The following HAT1 variants were observed in gnomAD, a reference collection of about 807,000 sequenced individuals.
HAT1 encodes histone acetyltransferase 1, also known as histone acetyltransferase type B catalytic subunit.
A neutral mutation model predicts 56.6 loss-of-function variants in HAT1; 20 were observed. The ratio of observed to expected loss-of-function variants is 0.35; its 90% confidence interval spans 0.25 to 0.51. The LOEUF (loss-of-function observed/expected upper bound fraction) is 0.51, where lower values mean the gene tolerates loss of function less well. Among genes scored for constraint, HAT1 ranks in the 20% least tolerant of loss-of-function variants. HAT1 has a pLI of 0.95. For missense variants in HAT1, 408 were observed against 504.3 expected (o/e 0.81, Z 1.83); for synonymous variants, 146 against 165.5 (o/e 0.88, Z 0.91).
At chr2:171,926,902 GAT>G (rs1686613424) in intron 2 of HAT1, among the ~76,000 whole-genome samples, 1 of 152,152 alleles carries the variant, frequency 6.6e-6, no homozygotes, top group African/African-American at 2.4e-5. Flanking sequence ...AAGAAACCCA[GAT>G]ATATATCAGC....
chr2:171,928,392 C>T (rs547998015), intron 2 of HAT1, among the ~76,000 whole-genome samples: 19 of 152,296 alleles, frequency 1.2e-4, no homozygotes, highest in Non-Finnish European at 2.6e-4. Context: ...TGTTCTAGCA[C>T]TTTATATAAA....
chr2:171,974,156 T>G (rs1574066677), intron 8 of HAT1, among the ~76,000 whole-genome samples: 1 of 111,934 alleles, frequency 8.9e-6, no homozygotes, highest in Non-Finnish European at 1.7e-5. Context: ...GCAGCCTGGG[T>G]GAGTGAGACC....
chr2:171,969,664 G>C (rs1433008955), intron 8 of HAT1, among the ~76,000 whole-genome samples: 1 of 152,054 alleles, frequency 6.6e-6, no homozygotes, highest in Admixed American at 6.6e-5. Flanking sequence ...GTGGTGACTT[G>C]GTTCCTTATA....
At chr2:171,967,855 T>C (rs1687719891) in intron 8 of HAT1, among the ~76,000 whole-genome samples, 3 of 152,012 alleles carry the variant, frequency 2.0e-5, no homozygotes, top group Admixed American at 2.0e-4. Context: ...TAAAAAATGC[T>C]ATTTGGGAAT....
chr2:171,922,607 G>A, intron 1 of HAT1, 100 bp downstream of exon 1: 1 of 1,029,070 alleles, frequency 9.7e-7, no homozygotes, highest in Non-Finnish European at 1.3e-6. Flanking sequence ...CTTTCGGGCT[G>A]TAGCCTGGGT....
chr2:171,961,869 A>G (rs1687582797), intron 4 of HAT1, among the ~76,000 whole-genome samples: 1 of 149,730 alleles, frequency 6.7e-6, no homozygotes, highest in Admixed American at 6.7e-5. Flanking sequence ...AACATTAAGT[A>G]GATACAGAAT....
At chr2:171,947,075 G>T in intron 3 of HAT1, among the ~76,000 whole-genome samples, 1 of 151,946 alleles carries the variant, frequency 6.6e-6, no homozygotes. Context: ...CATACAAATG[G>T]CTGGAGTATA....
intron 5 of HAT1, 55 bp downstream of exon 5, chr2:171,965,572 A>G: frequency 8.4e-7 from 1 of 1,194,084 alleles, no homozygotes; most frequent in Non-Finnish European, 1.2e-6. Flanking sequence ...TGAAACCTGT[A>G]TGTAGTTTTG....
At chr2:171,961,259 T>A (rs1313070595) in intron 4 of HAT1, among the ~76,000 whole-genome samples, 3 of 152,062 alleles carry the variant, frequency 2.0e-5, no homozygotes. Flanking sequence ...AAGCTATGGT[T>A]ACACTACTAC....
In HAT1 at chr2:171,965,388, C is replaced by G; in HGVS notation, c.360C>G (p.Cys120Trp). ...GACAAATCATTCCACCTGGATTTTG[C>G]ACAAACACGAATGATTTCCTTTCTT... ...KIRQIIPPGF[C>W]TNTNDFLSLL... The change falls in exon 5 of 11, where the codon TGC (cysteine) becomes TGG (tryptophan). Residue 120 changes from cysteine to tryptophan, a missense_variant. Coordinates refer to ENST00000264108, the MANE Select transcript of HAT1 (RefSeq NM_003642.4). The G allele has an allele frequency of 1.2e-6, 2 of 1,611,304 alleles. No individual in the cohort carries two copies. The highest frequency in any genetic ancestry group is 1.7e-6 in the Non-Finnish European group (2 of 1,177,910).
In HAT1 at chr2:171,949,274, C is replaced by T. The variant is rs1387576722; in HGVS notation, c.188+2491C>T. Among the ~76,000 whole-genome samples, 5 of 151,956 alleles carry T rather than the reference C, an allele frequency of 3.3e-5. 1 individual carries two copies. The highest frequency in any genetic ancestry group is 3.9e-4 in the East Asian group (2 of 5,140). On this transcript the variant is annotated intron_variant, in intron 3 of 10. Coordinates refer to ENST00000264108, the MANE Select transcript of HAT1 (RefSeq NM_003642.4). The stretch of plus-strand genomic sequence containing the variant: ...TCACCCAGGCTGAAGTGCAGTGGTG[C>T]GATCACAGCTCACTGCAGCCTTGAA...
Position 171,938,024 on chromosome 2 carries a change from T to TTCTCTCTCTCTCTCTCTC in HAT1, c.113-8650_113-8633dup, listed in dbSNP as rs374402453. 1.4e-3 allele frequency among the ~76,000 whole-genome samples: 150 copies of TTCTCTCTCTCTCTCTCTC among 104,828 alleles called. 1 individual carries two copies. Among genetic ancestry groups the TTCTCTCTCTCTCTCTCTC allele is most frequent in the Non-Finnish European group, 1.8e-3 (99 of 54,332 alleles). 68.8% of individuals were successfully genotyped at this position (104,828 alleles called of 152,430 possible). On this transcript the variant is annotated intron_variant, in intron 2 of 10. Coordinates refer to ENST00000264108, the MANE Select transcript of HAT1 (RefSeq NM_003642.4). ...ATCTATCTATCTGTCTGTCTACTGA[T>TTCTCTCTCTCTCTCTCTC]TCTCTCTCTCTCTCTCTCTCTCTCT...
chr2:171,981,127 G>A (rs1284663345), intron 10 of HAT1, among the ~76,000 whole-genome samples: 6 of 152,012 alleles, frequency 3.9e-5, no homozygotes, highest in South Asian at 2.1e-4. Context: ...CCAAGATTGC[G>A]CCATTGTACT....
rs141557606 is a variant in HAT1, at chr2:171,943,726, CATATATATATAT to C, written c.113-2969_113-2958del. Among the ~76,000 whole-genome samples the C allele has an allele frequency of 5.1e-3, 732 of 143,018 alleles. 4 individuals carry two copies. The highest frequency in any genetic ancestry group is 8.5e-3 in the Non-Finnish European group (558 of 65,732). The allele number at this position is 143,018 out of a possible 152,430, so 93.8% of individuals were successfully genotyped here. On this transcript the variant is annotated intron_variant, in intron 2 of 10. Coordinates refer to ENST00000264108, the MANE Select transcript of HAT1 (RefSeq NM_003642.4). ...GTATATCTCCTAATATATGGACATT[CATATATATATAT>C]ATATATATATATGTATCCATAATAG... is the stretch of plus-strand genomic sequence containing the variant.
chr2:171,943,269 T>G (rs1029498655), intron 2 of HAT1, among the ~76,000 whole-genome samples: 2 of 150,532 alleles, frequency 1.3e-5, no homozygotes, highest in African/African-American at 4.9e-5. Context: ...GGGCGCTAAT[T>G]TTTGGGTGGC....
intron 8 of HAT1, among the ~76,000 whole-genome samples, chr2:171,975,788 G>A (rs1449413467): frequency 2.0e-5 from 3 of 151,110 alleles, no homozygotes; most frequent in Non-Finnish European, 2.9e-5. Flanking sequence ...TCAATTCATC[G>A]ATCATTTCAA....
intron 4 of HAT1, among the ~76,000 whole-genome samples, chr2:171,955,615 C>CA (rs1237731963): frequency 6.6e-6 from 1 of 151,056 alleles, no homozygotes; most frequent in Non-Finnish European, 1.5e-5. Flanking sequence ...AACTCCATCT[C>CA]AAAAATAAAT....
chr2:171,977,555 ATATTTTTTTTTTTTTTTT>A (rs1214329051), intron 9 of HAT1, among the ~76,000 whole-genome samples: 1 of 11,218 alleles, frequency 8.9e-5, no homozygotes, highest in African/African-American at 3.7e-4. Flanking sequence ...ATATATATAT[ATATTTTTTTTTTTTTTTT>A]TTTTTTAATG....
chr2:171,978,445 G>A (rs890703358), intron 9 of HAT1, among the ~76,000 whole-genome samples: 3 of 152,120 alleles, frequency 2.0e-5, no homozygotes, highest in Non-Finnish European at 2.9e-5. Flanking sequence ...CAGCCTTATG[G>A]TTTTAACTCT....
Sources: gnomAD v4.1 joint callset for allele counts (sites outside exome capture counted in the v4.1 genomes callset) on GRCh38, gnomAD v4.1.1 for gene constraint, MANE v1.5 for transcripts, NCBI Gene and HGNC (gene_info 2026-07-23, HGNC 2026-07-21) for gene names.